The following TMEM131 variants were observed in gnomAD, a reference collection of about 807,000 sequenced individuals.
The protein encoded by TMEM131 is transmembrane protein 131, also known as 2610524E03Rik.
In TMEM131, 66 loss-of-function variants were observed where a neutral mutation model predicts 211.6. That is an observed-to-expected ratio of 0.31 (90% confidence interval 0.26 to 0.38). TMEM131 has a LOEUF of 0.38. Ranked by LOEUF, TMEM131 falls within the 10% of genes least tolerant of loss-of-function variation. The pLI is 1.00. For missense variants in TMEM131, 2,036 were observed against 2,299.3 expected, an observed-to-expected ratio of 0.89 and a Z score of 2.34; for synonymous variants, 844 against 841.3, an observed-to-expected ratio of 1.00 and a Z score of -0.06.
intron 4 of TMEM131, among the ~76,000 whole-genome samples, chr2:97,871,192 C>G (rs986039391): frequency 6.6e-6 from 1 of 152,152 alleles, no homozygotes; most frequent in African/African-American, 2.4e-5. Context: ...GCATCTTTTA[C>G]AGCCTGCAAT....
At position 97,796,357 on chromosome 2, in the gene TMEM131, C is replaced by T. The variant is rs752690625; in HGVS notation, c.3061G>A (p.Val1021Ile). ...PNFTLKRTFK[V>I]ENTGQLQIHI... is the part of the protein sequence containing the mutation. ...ATTTGAAGTTGTCCTGTATTCTCTA[C>T]CTTAAATGTTCTTTTCAATGTGAAA... Residue 1021 changes from valine to isoleucine, a missense_variant, in exon 28 of 41, where the codon GTA becomes ATA. Val to Ile is a conservative substitution (Grantham distance 29, BLOSUM62 3). Around this residue, in one of 3 missense-constraint regions of TMEM131, gnomAD observed 1,623 missense variants for 1,805.9 expected, o/e 0.90. Transcript: ENST00000186436. 4.5e-6 allele frequency: 7 copies of T among 1,542,586 alleles called. No individual in the cohort carries two copies. Among genetic ancestry groups the T allele is most frequent in the Non-Finnish European group, 6.1e-6 (7 of 1,145,820 alleles).
intron 31 of TMEM131, among the ~76,000 whole-genome samples, chr2:97,787,607 A>G (rs1320501076): frequency 6.6e-6 from 1 of 151,906 alleles, no homozygotes; most frequent in Non-Finnish European, 1.5e-5. Flanking sequence ...AATCCAAAAA[A>G]CTCTCAAAGG....
At chr2:97,768,806 G>A (rs1447004030) in intron 33 of TMEM131, among the ~76,000 whole-genome samples, 1 of 152,154 alleles carries the variant, frequency 6.6e-6, no homozygotes, top group Non-Finnish European at 1.5e-5. Flanking sequence ...GGTGAGGCTG[G>A]TCTCGAAGTC....
intron 1 of TMEM131, among the ~76,000 whole-genome samples, chr2:97,993,247 T>C (rs1680339571): frequency 6.6e-6 from 1 of 152,250 alleles, no homozygotes; most frequent in African/African-American, 2.4e-5. Flanking sequence ...TAGTTTATGC[T>C]ACTTCAATAG....
At chr2:97,807,356 C>T (rs1329571571) in intron 19 of TMEM131, among the ~76,000 whole-genome samples, 3 of 152,172 alleles carry the variant, frequency 2.0e-5, no homozygotes, top group Non-Finnish European at 4.4e-5. Flanking sequence ...TCATGAATGG[C>T]TTGGTGCGTT....
intron 32 of TMEM131, among the ~76,000 whole-genome samples, chr2:97,773,318 A>G (rs909741890): frequency 1.3e-5 from 2 of 152,190 alleles, no homozygotes; most frequent in African/African-American, 4.8e-5. Context: ...AGGATTACCA[A>G]GAGGGCCCAG....
intron 25 of TMEM131, among the ~76,000 whole-genome samples, chr2:97,800,670 T>C (rs1206028429): frequency 6.6e-6 from 1 of 151,224 alleles, no homozygotes; most frequent in Non-Finnish European, 1.5e-5. Context: ...GGCAGGAGAA[T>C]TGCACAAACC....
chr2:97,775,182 C>T (rs1367594588), intron 32 of TMEM131, among the ~76,000 whole-genome samples: 1 of 152,200 alleles, frequency 6.6e-6, no homozygotes, highest in Non-Finnish European at 1.5e-5. Context: ...AATCTGACCC[C>T]GTCACTAAGG....
chr2:97,844,514 T>C (rs1559396474), intron 5 of TMEM131, among the ~76,000 whole-genome samples: 1 of 152,218 alleles, frequency 6.6e-6, no homozygotes, highest in Non-Finnish European at 1.5e-5. Context: ...TAACAATCAC[T>C]AGGCTGGCAT....
chr2:97,807,609 A>G (rs1573390874), intron 19 of TMEM131, among the ~76,000 whole-genome samples: 1 of 152,118 alleles, frequency 6.6e-6, no homozygotes, highest in Non-Finnish European at 1.5e-5. Flanking sequence ...AAAATAAATC[A>G]CCCAGCCTCA....
intron 1 of TMEM131, among the ~76,000 whole-genome samples, chr2:97,995,083 G>A (rs1297900295): frequency 1.3e-5 from 2 of 152,200 alleles, no homozygotes; most frequent in African/African-American, 4.8e-5. Context: ...GCTGTGTCTC[G>A]CTATTTTTAC....
chr2:97,952,157 C>CA (rs1321665891), intron 1 of TMEM131, among the ~76,000 whole-genome samples: 4,813 of 104,602 alleles, frequency 0.046, 101 homozygotes, highest in Middle Eastern at 0.095. Flanking sequence ...ACTCCATCTC[C>CA]AAAAAAAAAA....
At chr2:97,771,429 T>G (rs1559348641) in intron 33 of TMEM131, among the ~76,000 whole-genome samples, 1 of 152,114 alleles carries the variant, frequency 6.6e-6, no homozygotes, top group Non-Finnish European at 1.5e-5. Context: ...ATTCCCAGGA[T>G]CAGAGTAAGA....
intron 31 of TMEM131, among the ~76,000 whole-genome samples, chr2:97,780,024 AAAACAAAAACAAAAC>A (rs1276256831): frequency 1.3e-5 from 2 of 152,126 alleles, no homozygotes; most frequent in African/African-American, 2.4e-5. Context: ...TTTCTCCAAA[AAAACAAAAACAAAAC>A]AAACAAAAAA....
At chr2:97,967,432 T>C (rs1387209914) in intron 1 of TMEM131, among the ~76,000 whole-genome samples, 1 of 152,148 alleles carries the variant, frequency 6.6e-6, no homozygotes, top group East Asian at 1.9e-4. Context: ...GTACAGTGTG[T>C]AAATTTATTC....
In TMEM131 at chr2:97,805,596, T is replaced by C; in HGVS notation, c.2163A>G (p.Arg721=). Residue 721 remains arginine, a synonymous_variant, in exon 20 of 41, where the codon CGA becomes CGG. Coordinates refer to ENST00000186436, the MANE Select transcript of TMEM131 (RefSeq NM_015348.2). ...CCAAGTCTTCCTTATTGCCCCGTAATCGTTTATAGTAAAATCGCACATCTT... is the reference window on the plus strand; with the variant it reads ...CCAAGTCTTCCTTATTGCCCCGTAACCGTTTATAGTAAAATCGCACATCTT... The part of the protein sequence containing the change: ...LSEDVRFYYK[R]LRGNKEDLEP... 6.2e-7 allele frequency: 1 copy of C among 1,611,566 alleles called. No individual in the cohort carries two copies. Among genetic ancestry groups the C allele is most frequent in the Non-Finnish European group, 8.5e-7 (1 of 1,178,068 alleles).
intron 31 of TMEM131, among the ~76,000 whole-genome samples, chr2:97,784,268 C>T (rs1680147519): frequency 6.6e-6 from 1 of 152,072 alleles, no homozygotes; most frequent in African/African-American, 2.4e-5. Context: ...GGAGAATATA[C>T]ATTCTTTTCA....
chr2:97,777,752 G>T (rs1263302916), intron 31 of TMEM131, among the ~76,000 whole-genome samples: 1 of 152,146 alleles, frequency 6.6e-6, no homozygotes, highest in African/African-American at 2.4e-5. Flanking sequence ...GGACTGACTA[G>T]TTTGTTTAAT....
chr2:97,825,684 C>G (rs929585957), intron 11 of TMEM131, among the ~76,000 whole-genome samples: 13 of 152,282 alleles, frequency 8.5e-5, no homozygotes, highest in Admixed American at 2.0e-4. Context: ...AGAGAGAGAG[C>G]AGGGATAGCT....
Sources: gnomAD v4.1 joint callset for allele counts (sites outside exome capture counted in the v4.1 genomes callset) on GRCh38, gnomAD v4.1.1 for gene constraint, gnomAD v4.1.1 regional missense constraint, MANE v1.5 for transcripts, NCBI Gene and HGNC (gene_info 2026-07-23, HGNC 2026-07-21) for gene names.